The following DYM variants were observed in gnomAD, a reference collection of about 807,000 sequenced individuals.
DYM encodes dymeclin, also known as dyggve-Melchior-Clausen syndrome protein.
Under a neutral mutation model 93.1 loss-of-function variants are expected in DYM, and 78 were observed. That is an observed-to-expected ratio of 0.84 (90% CI 0.70 to 1.01). The LOEUF (loss-of-function observed/expected upper bound fraction) is 1.01, where lower values mean the gene tolerates loss of function less well. Ranked by LOEUF, DYM falls within the 50% of genes least tolerant of loss-of-function variation. DYM has a pLI of 0.00. For missense variants in DYM, 789 were observed against 845.0 expected (o/e 0.93, Z 0.82); for synonymous variants, 321 against 319.7 (o/e 1.00, Z -0.04).
At chr18:49,065,085 T>G (rs532007389) in intron 17 of DYM, among the ~76,000 whole-genome samples, 1 of 152,198 alleles carries the variant, frequency 6.6e-6, no homozygotes, top group South Asian at 2.1e-4. Flanking sequence ...GCCACTTCAT[T>G]AGTAGATCAG....
intron 17 of DYM, among the ~76,000 whole-genome samples, chr18:49,054,000 T>G (rs558117051): frequency 1.5e-4 from 23 of 152,250 alleles, no homozygotes; most frequent in African/African-American, 5.5e-4. Context: ...TGGCGAATAC[T>G]GGGGCCAGGA....
At chr18:49,409,577 A>G (rs2071965076) in intron 2 of DYM, among the ~76,000 whole-genome samples, 1 of 152,196 alleles carries the variant, frequency 6.6e-6, no homozygotes, top group South Asian at 2.1e-4. Context: ...TCATTCATCA[A>G]CAGAGTACCA....
At chr18:49,362,331 C>T (rs1341198652) in intron 6 of DYM, among the ~76,000 whole-genome samples, 1 of 152,114 alleles carries the variant, frequency 6.6e-6, no homozygotes, top group East Asian at 1.9e-4. Context: ...GGCCCTGTCT[C>T]TACTTTAAAT....
At chr18:49,211,848 G>A (rs2092799889) in intron 13 of DYM, among the ~76,000 whole-genome samples, 2 of 152,144 alleles carry the variant, frequency 1.3e-5, no homozygotes, top group South Asian at 2.1e-4. Context: ...TTTAAAGTAG[G>A]CTTATATTTA....
chr18:49,227,263 C>T (rs1447392779), intron 13 of DYM, among the ~76,000 whole-genome samples: 1 of 152,096 alleles, frequency 6.6e-6, no homozygotes, highest in African/African-American at 2.4e-5. Context: ...TATGATTCTT[C>T]AACATCCATG....
intron 14 of DYM, among the ~76,000 whole-genome samples, chr18:49,201,537 A>G (rs1403767814): frequency 6.6e-6 from 1 of 152,240 alleles, no homozygotes; most frequent in Non-Finnish European, 1.5e-5. Context: ...ATACACAAAA[A>G]AAGCCAGAAC....
intron 6 of DYM, among the ~76,000 whole-genome samples, chr18:49,343,073 C>A (rs1025146285): frequency 6.6e-6 from 1 of 152,156 alleles, no homozygotes; most frequent in African/African-American, 2.4e-5. Flanking sequence ...TGTCAAGAAC[C>A]TAATTTCCAA....
At chr18:49,218,663 T>C (rs140811787) in intron 13 of DYM, among the ~76,000 whole-genome samples, 109,744 of 151,608 alleles carry the variant, frequency 0.72, 40,746 homozygotes, top group Non-Finnish European at 0.81. Context: ...CTACTGGGTA[T>C]ATAATGAAAT....
intron 14 of DYM, among the ~76,000 whole-genome samples, chr18:49,194,527 C>A (rs1279661128): frequency 6.6e-6 from 1 of 152,162 alleles, no homozygotes; most frequent in Non-Finnish European, 1.5e-5. Context: ...CTCATGACAT[C>A]CTTCTTACAG....
intron 12 of DYM, among the ~76,000 whole-genome samples, chr18:49,257,963 T>C (rs2094421340): frequency 6.6e-6 from 1 of 152,194 alleles, no homozygotes; most frequent in South Asian, 2.1e-4. Context: ...CCAGGTACTG[T>C]GAAGAGAATC....
chr18:49,411,565 A>G (rs961780485), intron 2 of DYM, among the ~76,000 whole-genome samples: 2 of 152,180 alleles, frequency 1.3e-5, no homozygotes, highest in Non-Finnish European at 2.9e-5. Flanking sequence ...CTCAATAATG[A>G]AAAGTGAGAA....
At chr18:49,354,117 C>T (rs1318867308) in intron 6 of DYM, among the ~76,000 whole-genome samples, 1 of 151,886 alleles carries the variant, frequency 6.6e-6, no homozygotes, top group Non-Finnish European at 1.5e-5. Context: ...AGAAACAGAC[C>T]CACATATAGT....
At chr18:49,211,759 T>C (rs192871101) in intron 13 of DYM, among the ~76,000 whole-genome samples, 56 of 152,268 alleles carry the variant, frequency 3.7e-4, no homozygotes, top group African/African-American at 1.3e-3. Flanking sequence ...AGACAGATTA[T>C]TAGACAAAAC....
intron 2 of DYM, among the ~76,000 whole-genome samples, chr18:49,423,804 G>T (rs1013833874): frequency 9.2e-5 from 14 of 152,218 alleles, no homozygotes; most frequent in African/African-American, 3.4e-4. Flanking sequence ...TAGAAGAAAT[G>T]GATAAATTCC....
At chr18:49,325,978 C>T (rs561837545) in intron 8 of DYM, among the ~76,000 whole-genome samples, 1 of 152,172 alleles carries the variant, frequency 6.6e-6, no homozygotes, top group African/African-American at 2.4e-5. Flanking sequence ...CCATGAAAGG[C>T]CCACAGCAGA....
chr18:49,102,773 C>T (rs928412834), intron 16 of DYM, among the ~76,000 whole-genome samples: 4 of 152,166 alleles, frequency 2.6e-5, no homozygotes, highest in African/African-American at 9.7e-5. Flanking sequence ...GCATAGTATT[C>T]CATGGTGTAT....
intron 6 of DYM, among the ~76,000 whole-genome samples, chr18:49,350,742 A>AG (rs397964608): frequency 2.0e-5 from 3 of 149,326 alleles, no homozygotes; most frequent in African/African-American, 7.4e-5. Flanking sequence ...AAAAAAAAAA[A>AG]CAAGAAACAC....
chr18:49,417,711 A>G (rs2073150986), intron 2 of DYM, among the ~76,000 whole-genome samples: 1 of 152,252 alleles, frequency 6.6e-6, no homozygotes, highest in East Asian at 1.9e-4. Context: ...TTGCATATGC[A>G]TAAAATGCAA....
At chr18:49,457,029 T>C (rs142723444) in intron 1 of DYM, among the ~76,000 whole-genome samples, 2 of 152,308 alleles carry the variant, frequency 1.3e-5, no homozygotes, top group East Asian at 3.9e-4. Flanking sequence ...AGATTAGTCC[T>C]CTCTCTGTCC....
Sources: gnomAD v4.1 joint callset for allele counts (sites outside exome capture counted in the v4.1 genomes callset) on GRCh38, gnomAD v4.1.1 for gene constraint, MANE v1.5 for transcripts, NCBI Gene and HGNC (gene_info 2026-07-23, HGNC 2026-07-21) for gene names.